Variants in NELL2 observed in about 807,000 individuals in gnomAD.
NELL2 encodes the protein protein kinase C-binding protein NELL2.
A neutral mutation model predicts 109.6 loss-of-function variants in NELL2; 41 were observed. The ratio of observed to expected loss-of-function variants is 0.37; its 90% CI spans 0.29 to 0.49. The LOEUF (loss-of-function observed/expected upper bound fraction) is 0.49, where lower values mean the gene tolerates loss of function less well. Among genes scored for constraint, NELL2 ranks in the 20% least tolerant of loss-of-function variants. The pLI, the probability that NELL2 is intolerant of heterozygous loss-of-function variation, is 0.98. For synonymous variants in NELL2, 355 were observed against 344.7 expected, an observed-to-expected ratio of 1.03 and a Z score of -0.33; for missense variants, 900 against 1,008.3, an observed-to-expected ratio of 0.89 and a Z score of 1.45.
chr12:44,894,355 A>G (rs1945569477), intron 1 of NELL2, among the ~76,000 whole-genome samples: 1 of 152,150 alleles, frequency 6.6e-6, no homozygotes, highest in Non-Finnish European at 1.5e-5. Flanking sequence ...AACCTGTCTC[A>G]CCTAAGCAAA....
intron 1 of NELL2, among the ~76,000 whole-genome samples, chr12:44,887,625 T>G (rs1945488323): frequency 6.6e-6 from 1 of 150,666 alleles, no homozygotes; most frequent in Admixed American, 6.6e-5. Context: ...ATTTGGGGTT[T>G]GGGGGGATTA....
intron 3 of NELL2, among the ~76,000 whole-genome samples, chr12:44,786,923 C>T (rs144203684): frequency 0.014 from 2,199 of 151,892 alleles, 52 homozygotes; most frequent in African/African-American, 0.05. Context: ...ATACCTAATG[C>T]ATGCGGGGCT....
chr12:44,586,837 TTCA>T (rs1944525966), intron 15 of NELL2, among the ~76,000 whole-genome samples: 1 of 152,224 alleles, frequency 6.6e-6, no homozygotes, highest in South Asian at 2.1e-4. Context: ...CCCAATTTTC[TTCA>T]TCACGTTTCC....
chr12:44,830,481 T>C (rs914012480), intron 2 of NELL2, among the ~76,000 whole-genome samples: 1 of 152,160 alleles, frequency 6.6e-6, no homozygotes, highest in East Asian at 1.9e-4. Context: ...TTTTTTTCTA[T>C]GAGTATTTTC....
intron 9 of NELL2, among the ~76,000 whole-genome samples, chr12:44,760,730 T>C (rs1443261980): frequency 6.6e-6 from 1 of 152,096 alleles, no homozygotes; most frequent in African/African-American, 2.4e-5. Flanking sequence ...TATTATCTCA[T>C]GTACACAAAA....
chr12:44,766,557 ATTAC>A (rs1207939441), intron 9 of NELL2, among the ~76,000 whole-genome samples: 2 of 152,186 alleles, frequency 1.3e-5, no homozygotes, highest in Non-Finnish European at 2.9e-5. Flanking sequence ...TTTTTAAACA[ATTAC>A]TTAACAGCAC....
At position 44,564,828 on chromosome 12, in the gene NELL2, T is replaced by C. The variant is rs139764337; in HGVS notation, c.1664-32107A>G. ...ACACTACACGAAGACAGCCTGCAAATATAATTCCTGTGCATTTGCTATGAA... is the reference window on the plus strand; with the variant it reads ...ACACTACACGAAGACAGCCTGCAAACATAATTCCTGTGCATTTGCTATGAA... On this transcript the variant is annotated intron_variant, in intron 15 of 19. Transcript: ENST00000429094. Among the ~76,000 whole-genome samples, 41 of 152,282 alleles carry C rather than the reference T, an allele frequency of 2.7e-4. No individual in the cohort carries two copies. The East Asian group carries it at 7.7e-3, about 29-fold the overall frequency.
At chr12:44,883,281 T>C (rs936387200) in intron 1 of NELL2, among the ~76,000 whole-genome samples, 7 of 152,156 alleles carry the variant, frequency 4.6e-5, no homozygotes, top group African/African-American at 1.7e-4. Flanking sequence ...ATACCTTTTT[T>C]AACTTCTACA....
chr12:44,650,262 T>C (rs906867898), intron 13 of NELL2, among the ~76,000 whole-genome samples: 9 of 152,004 alleles, frequency 5.9e-5, no homozygotes, highest in African/African-American at 1.9e-4. Flanking sequence ...AGACTGCCTG[T>C]TGTGGACTGA....
intron 13 of NELL2, among the ~76,000 whole-genome samples, chr12:44,647,733 A>AATAAAATTCT (rs1370862874): frequency 8.2e-6 from 1 of 121,722 alleles, no homozygotes; most frequent in African/African-American, 3.6e-5. Flanking sequence ...ATAGAATTTC[A>AATAAAATTCT]ATAAGTGAAG....
chr12:44,639,365 T>C (rs2136297574), intron 13 of NELL2, among the ~76,000 whole-genome samples: 1 of 152,228 alleles, frequency 6.6e-6, no homozygotes, highest in East Asian at 1.9e-4. Context: ...CTAACCTCTT[T>C]CCAGCGTTAT....
intron 9 of NELL2, among the ~76,000 whole-genome samples, chr12:44,770,604 T>A (rs1592499099): frequency 6.6e-6 from 1 of 152,238 alleles, no homozygotes; most frequent in Admixed American, 6.5e-5. Flanking sequence ...CTATATTATA[T>A]ACTGAAACTC....
chr12:44,566,831 T>C (rs1943678851), intron 15 of NELL2, among the ~76,000 whole-genome samples: 1 of 152,166 alleles, frequency 6.6e-6, no homozygotes, highest in African/African-American at 2.4e-5. Context: ...ATTTTTTTTT[T>C]TTTAGATGGA....
intron 15 of NELL2, among the ~76,000 whole-genome samples, chr12:44,562,488 C>T (rs1410736967): frequency 1.3e-5 from 2 of 152,064 alleles, no homozygotes; most frequent in Non-Finnish European, 2.9e-5. Context: ...CAAACAACCC[C>T]ATGAAAAAGT....
intron 13 of NELL2, among the ~76,000 whole-genome samples, chr12:44,665,076 A>G (rs1457440025): frequency 6.6e-6 from 1 of 151,272 alleles, no homozygotes; most frequent in East Asian, 2.0e-4. Flanking sequence ...TATATTTAAT[A>G]GTCCCATGTC....
intron 1 of NELL2, among the ~76,000 whole-genome samples, chr12:44,920,709 C>T (rs1945862469): frequency 6.6e-6 from 1 of 152,126 alleles, no homozygotes; most frequent in Non-Finnish European, 1.5e-5. Flanking sequence ...TGAATACCAA[C>T]ATGTCTACAA....
chr12:44,712,405 G>T (rs1018849831), intron 10 of NELL2, among the ~76,000 whole-genome samples: 6 of 151,942 alleles, frequency 3.9e-5, no homozygotes, highest in Non-Finnish European at 8.8e-5. Context: ...GTCTTCTTTT[G>T]GTTTAGTAGT....
intron 13 of NELL2, among the ~76,000 whole-genome samples, chr12:44,632,850 T>C (rs1430764052): frequency 6.6e-6 from 1 of 152,114 alleles, no homozygotes; most frequent in Non-Finnish European, 1.5e-5. Flanking sequence ...CAATTATAAT[T>C]CAATTATCTC....
At chr12:44,871,697 T>G (rs890700093) in intron 2 of NELL2, among the ~76,000 whole-genome samples, 1 of 152,202 alleles carries the variant, frequency 6.6e-6, no homozygotes, top group Admixed American at 6.5e-5. Context: ...TGCAGTTACC[T>G]TTGCCTACTA....
Sources: gnomAD v4.1 joint callset for allele counts (sites outside exome capture counted in the v4.1 genomes callset) on GRCh38, gnomAD v4.1.1 for gene constraint, MANE v1.5 for transcripts, NCBI Gene and HGNC (gene_info 2026-07-23, HGNC 2026-07-21) for gene names.